The following DCDC1 variants were observed in gnomAD, a reference collection of about 807,000 sequenced individuals.
DCDC1 encodes the protein doublecortin domain-containing protein 1.
DCDC1 carries 200 observed loss-of-function variants against 178.3 expected under a neutral mutation model. The observed-to-expected ratio is 1.12, with a 90% CI of 1.00 to 1.26. The LOEUF (loss-of-function observed/expected upper bound fraction) is 1.26, where lower values mean the gene tolerates loss of function less well. Ranked by LOEUF, DCDC1 falls within the 50% of genes most tolerant of loss-of-function variation. The pLI is 0.00. For missense variants in DCDC1, 1,983 were observed against 1,749.2 expected, an observed-to-expected ratio of 1.13 and a Z score of -2.38; for synonymous variants, 690 against 604.8, an observed-to-expected ratio of 1.14 and a Z score of -2.07.
intron 9 of DCDC1, among the ~76,000 whole-genome samples, chr11:31,140,679 T>C (rs1232356544): frequency 3.9e-5 from 6 of 151,956 alleles, no homozygotes; most frequent in Admixed American, 3.9e-4. Context: ...CTGAACAAAA[T>C]TTTTTCAGGA....
At chr11:31,197,868 T>C (rs772506461) in intron 9 of DCDC1, among the ~76,000 whole-genome samples, 1 of 152,080 alleles carries the variant, frequency 6.6e-6, no homozygotes, top group Non-Finnish European at 1.5e-5. Flanking sequence ...CCCCAGCACT[T>C]ACTGGTCAAG....
intron 9 of DCDC1, among the ~76,000 whole-genome samples, chr11:31,174,785 C>T (rs1447022142): frequency 6.6e-6 from 1 of 151,952 alleles, no homozygotes; most frequent in Non-Finnish European, 1.5e-5. Flanking sequence ...AGGGTCTCCT[C>T]TCTGCTGAGA....
chr11:30,893,343 A>C (rs1943943995), intron 35 of DCDC1, among the ~76,000 whole-genome samples: 1 of 152,242 alleles, frequency 6.6e-6, no homozygotes, highest in African/African-American at 2.4e-5. Flanking sequence ...TCTGCATCTA[A>C]CAAATGAGTT....
intron 11 of DCDC1, among the ~76,000 whole-genome samples, chr11:31,118,364 A>AT (rs1197561136): frequency 1.3e-5 from 2 of 152,190 alleles, no homozygotes; most frequent in Non-Finnish European, 2.9e-5. Flanking sequence ...GAAGTAATCC[A>AT]TTTTTTTCAT....
At chr11:31,363,614 A>T (rs896097873) in intron 1 of DCDC1, among the ~76,000 whole-genome samples, 1 of 152,162 alleles carries the variant, frequency 6.6e-6, no homozygotes, top group African/African-American at 2.4e-5. Flanking sequence ...TGAATTCCAC[A>T]CTTAACTTCA....
At chr11:31,174,176 T>C (rs1388343185) in intron 9 of DCDC1, among the ~76,000 whole-genome samples, 3 of 152,134 alleles carry the variant, frequency 2.0e-5, no homozygotes, top group African/African-American at 4.8e-5. Flanking sequence ...CAGCTGCAGC[T>C]GCAGACCCAG....
chr11:30,978,227 C>T (rs1950204838), intron 20 of DCDC1, among the ~76,000 whole-genome samples: 1 of 152,170 alleles, frequency 6.6e-6, no homozygotes, highest in Non-Finnish European at 1.5e-5. Flanking sequence ...TTAATGTGAC[C>T]TCAGACCTGT....
intron 9 of DCDC1, among the ~76,000 whole-genome samples, chr11:31,168,904 A>G (rs1459025800): frequency 6.6e-6 from 1 of 152,206 alleles, no homozygotes; most frequent in Non-Finnish European, 1.5e-5. Context: ...GATTAGACAA[A>G]GGCAATAAAA....
intron 10 of DCDC1, among the ~76,000 whole-genome samples, chr11:31,135,065 C>A (rs1400255242): frequency 6.6e-6 from 1 of 152,040 alleles, no homozygotes. Flanking sequence ...AGTGGTTTTA[C>A]GATGCATACG....
chr11:30,934,785 C>A (rs1353074885), intron 21 of DCDC1, among the ~76,000 whole-genome samples: 1 of 152,154 alleles, frequency 6.6e-6, no homozygotes, highest in Non-Finnish European at 1.5e-5. Flanking sequence ...AACAGTTACT[C>A]TTGTTGAGGG....
intron 9 of DCDC1, among the ~76,000 whole-genome samples, chr11:31,192,635 T>A (rs1385122924): frequency 6.6e-6 from 1 of 152,108 alleles, no homozygotes; most frequent in Non-Finnish European, 1.5e-5. Flanking sequence ...ATGGAAAATG[T>A]GTCATTCCCT....
chr11:30,950,359 G>T (rs1272961882), intron 21 of DCDC1, among the ~76,000 whole-genome samples: 1 of 152,126 alleles, frequency 6.6e-6, no homozygotes, highest in East Asian at 1.9e-4. Flanking sequence ...ACATCCAAAA[G>T]AAAGGAAACC....
chr11:30,895,994 T>C (rs1376311648), intron 34 of DCDC1, among the ~76,000 whole-genome samples: 1 of 152,144 alleles, frequency 6.6e-6, no homozygotes, highest in Admixed American at 6.5e-5. Flanking sequence ...AGGGATTGAG[T>C]ATAGAAAACA....
At chr11:30,976,801 C>A (rs1006893114) in intron 20 of DCDC1, among the ~76,000 whole-genome samples, 2 of 152,074 alleles carry the variant, frequency 1.3e-5, no homozygotes, top group Admixed American at 1.3e-4. Context: ...AAAAATAGAA[C>A]TACCATACAA....
chr11:31,136,193 C>A (rs1212787241), intron 10 of DCDC1, among the ~76,000 whole-genome samples: 1 of 151,944 alleles, frequency 6.6e-6, no homozygotes, highest in Non-Finnish European at 1.5e-5. Flanking sequence ...ATTAAATTCT[C>A]CAATTCTGGT....
chr11:31,111,221 C>T (rs1458653178), intron 11 of DCDC1, among the ~76,000 whole-genome samples: 3 of 151,466 alleles, frequency 2.0e-5, no homozygotes, highest in African/African-American at 7.3e-5. Context: ...CCCATCACAT[C>T]AGCAGAGCCA....
chr11:30,866,766 T>C (rs1181898068), intron 38 of DCDC1, among the ~76,000 whole-genome samples: 1 of 152,088 alleles, frequency 6.6e-6, no homozygotes, highest in Non-Finnish European at 1.5e-5. Flanking sequence ...GCACCTACTG[T>C]GGTCTGAATA....
intron 4 of DCDC1, among the ~76,000 whole-genome samples, chr11:31,306,864 G>T (rs1469498004): frequency 6.6e-6 from 1 of 151,900 alleles, no homozygotes; most frequent in Non-Finnish European, 1.5e-5. Context: ...AAAAATATTT[G>T]ATTTTAAAAT....
chr11:31,203,526 T>C (rs2136453862), intron 9 of DCDC1, among the ~76,000 whole-genome samples: 1 of 152,258 alleles, frequency 6.6e-6, no homozygotes, highest in East Asian at 1.9e-4. Context: ...CGGCATCATC[T>C]TGGGACCTAG....
Sources: allele counts gnomAD v4.1 joint callset (sites outside exome capture counted in the v4.1 genomes callset), GRCh38; gene constraint gnomAD v4.1.1; transcripts MANE v1.5; gene names NCBI Gene and HGNC (gene_info 2026-07-23, HGNC 2026-07-21).